MTREX: variants seen among roughly 807,000 people sequenced by gnomAD.
The protein encoded by MTREX is exosome RNA helicase MTR4.
MTREX carries 76 observed loss-of-function variants against 135.4 expected under a neutral mutation model. The observed-to-expected ratio is 0.56, with a 90% CI of 0.47 to 0.68. MTREX has a LOEUF of 0.68. Ranked by LOEUF, MTREX falls within the 30% of genes least tolerant of loss-of-function variation. MTREX has a pLI of 0.00. For missense variants in MTREX, 920 were observed against 1,262.1 expected (o/e 0.73, Z 4.11); for synonymous variants, 404 against 401.6 (o/e 1.01, Z -0.07).
In MTREX at chr5:55,381,213, AT is replaced by A. The variant is rs541718964; in HGVS notation, c.2052+2026del. The stretch of plus-strand genomic sequence containing the variant: ...TCTCAATGAGCTTTTGGTTTTACTG[AT>A]TTTTTTTCCCTCTATTTTTCTGTCT... On this transcript the variant is annotated intron_variant, in intron 18 of 26. Transcript: ENST00000230640. 1.8e-4 allele frequency among the ~76,000 whole-genome samples: 28 copies of A among 151,380 alleles called. No individual in the cohort carries two copies. In the East Asian group the frequency reaches 4.1e-3, roughly 22 times the overall value.
At chr5:55,315,894 A>G (rs968915549) in intron 1 of MTREX, among the ~76,000 whole-genome samples, 16 of 151,794 alleles carry the variant, frequency 1.1e-4, no homozygotes, top group Non-Finnish European at 1.9e-4. Context: ...GAACGCTCAC[A>G]TCATTGTTTT....
intron 24 of MTREX, 40 bp from the exon 25 acceptor site, chr5:55,415,930 A>G: frequency 7.1e-7 from 1 of 1,404,736 alleles, no homozygotes. Flanking sequence ...GTGATATGGG[A>G]GATCATAAGT....
At chr5:55,327,106 A>T (rs1194462715) in intron 3 of MTREX, among the ~76,000 whole-genome samples, 3 of 152,216 alleles carry the variant, frequency 2.0e-5, no homozygotes, top group Non-Finnish European at 4.4e-5. Flanking sequence ...ACTGATGGAC[A>T]TTTGGGTTGG....
chr5:55,412,074 T>G (rs1750892453), intron 23 of MTREX, among the ~76,000 whole-genome samples: 1 of 152,212 alleles, frequency 6.6e-6, no homozygotes, highest in African/African-American at 2.4e-5. Context: ...TGTCAATATA[T>G]ACAGTTAAGA....
chr5:55,326,390 ACT>A (rs1211496465), intron 3 of MTREX, among the ~76,000 whole-genome samples: 5 of 151,764 alleles, frequency 3.3e-5, no homozygotes, highest in Admixed American at 6.6e-5. Flanking sequence ...ACAGAGTGAG[ACT>A]CTGTCTCAAA....
At chr5:55,355,080 T>TG (rs1749888578) in intron 14 of MTREX, among the ~76,000 whole-genome samples, 1 of 152,166 alleles carries the variant, frequency 6.6e-6, no homozygotes, top group Admixed American at 6.5e-5. Context: ...CAGGGAGAGA[T>TG]GCGTAGAAGC....
At chr5:55,328,321 A>G (rs116679533) in intron 4 of MTREX, among the ~76,000 whole-genome samples, 265 of 152,298 alleles carry the variant, frequency 1.7e-3, no homozygotes, top group African/African-American at 6.1e-3. Context: ...CAGAGTTCCT[A>G]CCTATGAAAG....
intron 26 of MTREX, 34 bp downstream of exon 26, chr5:55,423,016 A>G: frequency 6.4e-7 from 1 of 1,562,782 alleles, no homozygotes; most frequent in Non-Finnish European, 8.8e-7. Context: ...TTTCTAATTT[A>G]GACAAATTTG....
intron 1 of MTREX, among the ~76,000 whole-genome samples, chr5:55,314,151 A>AT (rs1749162017): frequency 6.6e-6 from 1 of 152,182 alleles, no homozygotes; most frequent in South Asian, 2.1e-4. Flanking sequence ...TTTGGAATAG[A>AT]TTCCTAGAAG....
intron 23 of MTREX, among the ~76,000 whole-genome samples, chr5:55,413,357 C>A (rs756251058): frequency 2.6e-5 from 4 of 151,634 alleles, no homozygotes; most frequent in Non-Finnish European, 5.9e-5. Context: ...AAAAAATAGC[C>A]ATAATTACTT....
chr5:55,339,783 T>G (rs1196053229), intron 5 of MTREX, among the ~76,000 whole-genome samples: 3 of 152,208 alleles, frequency 2.0e-5, no homozygotes, highest in Non-Finnish European at 1.5e-5. Context: ...TTGCTATTAG[T>G]GACTAAGTTG....
chr5:55,418,893 G>C (rs1327952672), intron 25 of MTREX, among the ~76,000 whole-genome samples: 1 of 152,038 alleles, frequency 6.6e-6, no homozygotes, highest in Non-Finnish European at 1.5e-5. Flanking sequence ...ACCCAGGCTG[G>C]AGTGCAGTGG....
chr5:55,396,624 C>CT (rs1750651074), intron 19 of MTREX, among the ~76,000 whole-genome samples: 1 of 152,270 alleles, frequency 6.6e-6, no homozygotes, highest in African/African-American at 2.4e-5. Flanking sequence ...TCTACCTGTA[C>CT]TAGAAAATCT....
intron 7 of MTREX, among the ~76,000 whole-genome samples, chr5:55,342,543 G>A (rs1368843287): frequency 3.3e-5 from 5 of 152,158 alleles, no homozygotes; most frequent in African/African-American, 4.8e-5. Context: ...TTACGCTCTC[G>A]TAATGAAAAA....
chr5:55,387,571 C>T (rs1360281219), intron 18 of MTREX, among the ~76,000 whole-genome samples: 1 of 151,838 alleles, frequency 6.6e-6, no homozygotes, highest in African/African-American at 2.4e-5. Context: ...GACTAAAAGA[C>T]AATAAAAATT....
intron 5 of MTREX, among the ~76,000 whole-genome samples, chr5:55,330,195 C>T (rs1050475090): frequency 2.0e-5 from 3 of 151,916 alleles, no homozygotes; most frequent in African/African-American, 7.2e-5. Flanking sequence ...TCCAACTCAG[C>T]GTCCCTAGTA....
At chr5:55,397,024 A>G (rs1376233608) in intron 19 of MTREX, among the ~76,000 whole-genome samples, 1 of 152,206 alleles carries the variant, frequency 6.6e-6, no homozygotes, top group African/African-American at 2.4e-5. Flanking sequence ...CAGAACTTAC[A>G]TGAATCTTTC....
intron 16 of MTREX, among the ~76,000 whole-genome samples, chr5:55,378,012 AT>A (rs1187362253): frequency 5.9e-5 from 9 of 151,876 alleles, no homozygotes; most frequent in African/African-American, 1.5e-4. Context: ...AAAAAAAAAA[AT>A]CATAATGGGC....
chr5:55,348,228 G>A (rs1749771022), intron 11 of MTREX, among the ~76,000 whole-genome samples: 1 of 152,198 alleles, frequency 6.6e-6, no homozygotes, highest in African/African-American at 2.4e-5. Context: ...AGGAGAGCAT[G>A]CAAGAGAGAG....
Sources: allele counts gnomAD v4.1 joint callset (sites outside exome capture counted in the v4.1 genomes callset), GRCh38; gene constraint gnomAD v4.1.1; transcripts MANE v1.5; gene names NCBI Gene and HGNC (gene_info 2026-07-23, HGNC 2026-07-21).